THOC2: variants seen among roughly 807,000 people sequenced by gnomAD.
THOC2 encodes THO complex 2.
In THOC2, 10 loss-of-function variants were observed where a neutral mutation model predicts 128.4. That is an observed-to-expected ratio of 0.08 (90% CI 0.05 to 0.13). The LOEUF (loss-of-function observed/expected upper bound fraction) is 0.13, where lower values mean the gene tolerates loss of function less well. THOC2 is among the 10% of genes least tolerant of loss of function. The pLI is 1.00. For synonymous variants in THOC2, 393 were observed against 396.9 expected (o/e 0.99, Z 0.12); for missense variants, 535 against 1,155.7 (o/e 0.46, Z 7.79).
intron 12 of THOC2, among the ~76,000 whole-genome samples, chrX:123,649,804 T>A: frequency 9.0e-6 from 1 of 111,335 alleles, no homozygotes; most frequent in Non-Finnish European, 1.9e-5. Flanking sequence ...TATGGGACTA[T>A]GTGAAAAGAC....
chrX:123,626,966 C>T (rs1013333270), intron 23 of THOC2, among the ~76,000 whole-genome samples: 3 of 111,935 alleles, frequency 2.7e-5, no homozygotes, highest in African/African-American at 9.7e-5. Context: ...TACACTGCCA[C>T]TACCTCCATC....
intron 29 of THOC2, 77 bp from the exon 30 acceptor site, chrX:123,622,937 G>T: frequency 1.1e-6 from 1 of 904,175 alleles, no homozygotes; most frequent in Non-Finnish European, 1.5e-6. Context: ...AATGATTAGA[G>T]AATAATTAGA....
Position 123,614,123 on chromosome X carries a change from A to G in THOC2, c.4378T>C (p.Leu1460=), listed in dbSNP as rs1256890358. Residue 1460 remains leucine (L), a synonymous_variant, in exon 34 of 39, where the codon TTG becomes CTG. Transcript: ENST00000245838. ...CTGGATCTTTCCCTTGACTTGTCCA[A>G]ATCTTTCTTGTCCATTTCTCTCTCC... is the stretch of plus-strand genomic sequence containing the variant. ...SKEREMDKKD[L]DKSRERSRER... 7.5e-6 allele frequency: 9 copies of G among 1,203,285 alleles called. No homozygotes were observed. Among genetic ancestry groups the G allele is most frequent in the Non-Finnish European group, 6.7e-6 (6 of 890,433 alleles).
At chrX:123,640,810 T>C (rs1048440241) in intron 15 of THOC2, among the ~76,000 whole-genome samples, 188 bp from the exon 16 acceptor site, 1 of 112,109 alleles carries the variant, frequency 8.9e-6, no homozygotes, top group Non-Finnish European at 1.9e-5. Context: ...AGGGATTCTC[T>C]CAGAGGATAT....
At chrX:123,626,685 C>G (rs199970362) in intron 23 of THOC2, 23 bp from the exon 24 acceptor site, 1 of 1,165,801 alleles carries the variant, frequency 8.6e-7, no homozygotes, top group Non-Finnish European at 1.1e-6. Flanking sequence ...CAATTAGACA[C>G]TTTTCTAACT....
In THOC2 at chrX:123,686,634, A is replaced by G; in HGVS notation, c.682T>C (p.Phe228Leu). 1 of 1,207,965 alleles carries G rather than the reference A, an allele frequency of 8.3e-7. No individual in the cohort carries two copies. Among genetic ancestry groups the G allele is most frequent in the Non-Finnish European group, 1.1e-6 (1 of 892,831 alleles). ...FECRPEHDDF[F>L]ISLLESYMSM... ...ATGTAAGATTCTAACAAAGATATAA[A>G]GAAGTCATCGTGTTCTGGCCTGCAT... Residue 228 changes from phenylalanine (F) to leucine (L), a missense_variant, in exon 8 of 39, where the codon TTT (phenylalanine) becomes CTT (leucine). Phe to Leu is a conservative substitution (Grantham distance 22). This residue lies in a region of THOC2 where 197 missense variants were observed against 313.4 expected (regional missense o/e 0.63). Transcript: ENST00000245838.
At chrX:123,712,774 T>C (rs888635429) in intron 2 of THOC2, 76 bp downstream of exon 2, 1 of 676,058 alleles carries the variant, frequency 1.5e-6, no homozygotes, top group East Asian at 3.3e-5. Flanking sequence ...TTTGTTTTCA[T>C]ACCTAACAAT....
intron 12 of THOC2, among the ~76,000 whole-genome samples, chrX:123,651,474 G>A (rs1388245981): frequency 1.8e-5 from 2 of 111,545 alleles, no homozygotes; most frequent in East Asian, 2.8e-4. Context: ...AGGAGATAGA[G>A]ACACAAAAAA....
At chrX:123,702,265 C>T (rs2050731949) in intron 4 of THOC2, among the ~76,000 whole-genome samples, 3 of 109,848 alleles carry the variant, frequency 2.7e-5, no homozygotes, top group South Asian at 3.9e-4. Context: ...CGAGACTCTG[C>T]CTCTAAAAAC....
At chrX:123,728,271 G>A (rs754885558) in intron 1 of THOC2, among the ~76,000 whole-genome samples, 28 of 109,739 alleles carry the variant, frequency 2.6e-4, no homozygotes, top group Admixed American at 1.3e-3. Context: ...AGGAGTTGCC[G>A]CACTTACAGT....
intron 12 of THOC2, among the ~76,000 whole-genome samples, chrX:123,662,496 G>A (rs1196062762): frequency 9.3e-6 from 1 of 107,285 alleles, no homozygotes. Context: ...GCTGAGGCAG[G>A]AGAATGGTGT....
At chrX:123,722,267 C>T (rs189557990) in intron 1 of THOC2, among the ~76,000 whole-genome samples, 4 of 111,910 alleles carry the variant, frequency 3.6e-5, no homozygotes, top group Non-Finnish European at 3.8e-5. Flanking sequence ...CACATGCACA[C>T]GTATGTTCAC....
At chrX:123,732,837 G>T (rs1403455866) in intron 1 of THOC2, 115 bp downstream of exon 1, 1 of 831,870 alleles carries the variant, frequency 1.2e-6, no homozygotes. Flanking sequence ...CACGCCCGCC[G>T]CCCGGGTGGG....
chrX:123,648,632 G>A (rs1432728824), intron 12 of THOC2, among the ~76,000 whole-genome samples: 1 of 112,149 alleles, frequency 8.9e-6, no homozygotes, highest in Admixed American at 9.4e-5. Context: ...GCGGGAGGAG[G>A]GGCGTGTGCA....
Position 123,614,163 on chromosome X carries a change from T to G in THOC2, c.4338A>C (p.Pro1446=), listed in dbSNP as rs367878305. 2 of 1,194,639 alleles carry G rather than the reference T, an allele frequency of 1.7e-6. No individual in the cohort carries two copies. The highest frequency in any genetic ancestry group is 2.2e-5 in the Admixed American group (1 of 44,794). Residue 1446 remains proline (P), a synonymous_variant, in exon 34 of 39, where the codon CCA becomes CCC. Transcript: ENST00000245838. ...AKLYINHTPP[P]LSKSKEREMD... is the part of the protein sequence containing the mutation. The stretch of plus-strand genomic sequence containing the variant: ...TTTCTCTCTCCTTACTCTTGGACAG[T>G]GGTGGAGGAGTATGATTAATGTAGA...
At chrX:123,684,747 C>G (rs1026595587) in intron 8 of THOC2, among the ~76,000 whole-genome samples, 7 of 112,238 alleles carry the variant, frequency 6.2e-5, no homozygotes, top group Non-Finnish European at 1.3e-4. Flanking sequence ...TACCATGTCT[C>G]TTGTTTGGTA....
chrX:123,683,808 C>A (rs192023960), intron 8 of THOC2, among the ~76,000 whole-genome samples: 1 of 110,504 alleles, frequency 9.0e-6, no homozygotes, highest in Non-Finnish European at 1.9e-5. Flanking sequence ...CCACGTTGTT[C>A]AGGCTGCTCT....
At chrX:123,619,585 CAATA>C in intron 32 of THOC2, 149 bp from the exon 33 acceptor site, 2 of 496,006 alleles carry the variant, frequency 4.0e-6, no homozygotes, top group Non-Finnish European at 3.3e-6. Flanking sequence ...TGAATATCAA[CAATA>C]AAAAAAAACA....
chrX:123,636,526 G>T (rs1209426890), intron 18 of THOC2, among the ~76,000 whole-genome samples: 1 of 111,492 alleles, frequency 9.0e-6, no homozygotes, highest in Non-Finnish European at 1.9e-5. Flanking sequence ...TCCAGAGTTT[G>T]TGAAACTAAG....
Sources: allele counts gnomAD v4.1 joint callset (sites outside exome capture counted in the v4.1 genomes callset), GRCh38; gene constraint gnomAD v4.1.1; regional missense constraint gnomAD v4.1.1; transcripts MANE v1.5; gene names NCBI Gene and HGNC (gene_info 2026-07-23, HGNC 2026-07-21).